The following TMEM117 variants were observed in gnomAD, a reference collection of about 807,000 sequenced individuals.
The protein encoded by TMEM117 is transmembrane protein 117.
A neutral mutation model predicts 52.4 loss-of-function variants in TMEM117; 27 were observed. The ratio of observed to expected loss-of-function variants is 0.51; its 90% CI spans 0.38 to 0.71. The LOEUF (loss-of-function observed/expected upper bound fraction) is 0.71, where lower values mean the gene tolerates loss of function less well. Among genes scored for constraint, TMEM117 ranks in the 30% least tolerant of loss-of-function variants. The pLI is 0.00. For missense variants in TMEM117, 556 were observed against 630.5 expected (o/e 0.88, Z 1.26); for synonymous variants, 215 against 206.3 (o/e 1.04, Z -0.36).
the TMEM117 span, among the ~76,000 whole-genome samples, chr12:43,809,712 A>G: frequency 6.6e-6 from 1 of 152,336 alleles, no homozygotes; most frequent in East Asian, 1.9e-4. Flanking sequence ...TTTGTGTAAC[A>G]CGTCCTTAGA....
intron 4 of TMEM117, among the ~76,000 whole-genome samples, chr12:44,152,190 T>TA (rs1948742498): frequency 1.8e-5 from 2 of 109,498 alleles, no homozygotes; most frequent in African/African-American, 7.6e-5. Context: ...TTATAAAATA[T>TA]ATATAAATAT....
At chr12:43,799,683 G>A in the TMEM117 span, among the ~76,000 whole-genome samples, 1 of 151,770 alleles carries the variant, frequency 6.6e-6, no homozygotes, top group Non-Finnish European at 1.5e-5. Context: ...AACTTTTTAA[G>A]GGGAGTACCC....
At chr12:44,176,591 G>A (rs185418178) in intron 4 of TMEM117, among the ~76,000 whole-genome samples, 172 of 152,262 alleles carry the variant, frequency 1.1e-3, no homozygotes, top group African/African-American at 3.9e-3. Flanking sequence ...TACATATGGA[G>A]AGAAGGATGA....
downstream of TMEM117, among the ~76,000 whole-genome samples, chr12:44,389,935 T>G (rs1952149186): frequency 6.6e-6 from 1 of 152,080 alleles, no homozygotes; most frequent in Non-Finnish European, 1.5e-5. Flanking sequence ...GGAGATCACT[T>G]TTAAGGAAAA....
At chr12:44,178,851 A>G (rs917819453) in intron 4 of TMEM117, among the ~76,000 whole-genome samples, 4 of 152,130 alleles carry the variant, frequency 2.6e-5, no homozygotes, top group African/African-American at 9.7e-5. Flanking sequence ...AAGTAGTTGT[A>G]TTAGTCAGGG....
At chr12:44,366,287 T>A (rs1256203061) in intron 6 of TMEM117, among the ~76,000 whole-genome samples, 4 of 152,024 alleles carry the variant, frequency 2.6e-5, no homozygotes, top group African/African-American at 9.7e-5. Flanking sequence ...AACAAACATG[T>A]AAGGTTCTTT....
chr12:43,876,313 C>T (rs902114040), intron 2 of TMEM117, among the ~76,000 whole-genome samples: 1 of 152,112 alleles, frequency 6.6e-6, no homozygotes, highest in Non-Finnish European at 1.5e-5. Flanking sequence ...TGAGACACAC[C>T]TTCTTGCCAT....
chr12:44,096,695 C>T (rs1947770054), intron 3 of TMEM117, among the ~76,000 whole-genome samples: 1 of 152,156 alleles, frequency 6.6e-6, no homozygotes, highest in African/African-American at 2.4e-5. Context: ...CTTCCTTACA[C>T]CTTATACAAA....
chr12:44,020,174 G>T (rs925380184), intron 3 of TMEM117, among the ~76,000 whole-genome samples: 9 of 152,102 alleles, frequency 5.9e-5, no homozygotes, highest in African/African-American at 2.2e-4. Flanking sequence ...TTTAATAAAA[G>T]AAATAACTCT....
intron 4 of TMEM117, among the ~76,000 whole-genome samples, chr12:44,165,419 A>G (rs1948952862): frequency 1.3e-5 from 2 of 152,228 alleles, no homozygotes; most frequent in African/African-American, 4.8e-5. Context: ...CACTTAAACG[A>G]TATAGATTGG....
intron 5 of TMEM117, among the ~76,000 whole-genome samples, chr12:44,295,038 T>G (rs1304639733): frequency 2.0e-5 from 3 of 152,190 alleles, no homozygotes; most frequent in Non-Finnish European, 4.4e-5. Flanking sequence ...TTCTTTGAGC[T>G]TCATAAATCT....
At position 44,169,867 on chromosome 12, in the gene TMEM117, A is replaced by G. The variant is rs533554366; in HGVS notation, c.510+26243A>G. ...GGTGGGACTGTAAACTAGTTCAACC[A>G]TTGTGGAAGACAGCGTGGCCATTCC... On this transcript the variant is annotated intron_variant, in intron 4 of 7. Transcript: ENST00000266534. 2.4e-4 allele frequency among the ~76,000 whole-genome samples: 37 copies of G among 152,312 alleles called. 1 individual carries two copies. In the South Asian group the frequency reaches 7.0e-3, roughly 29 times the overall value.
intron 2 of TMEM117, among the ~76,000 whole-genome samples, chr12:43,916,557 T>C (rs566456859): frequency 1.8e-4 from 27 of 152,328 alleles, no homozygotes; most frequent in Non-Finnish European, 2.6e-4. Context: ...AGTTGAACAT[T>C]TAGGATGTTC....
intron 6 of TMEM117, among the ~76,000 whole-genome samples, chr12:44,342,858 G>C (rs1340546077): frequency 2.0e-5 from 3 of 151,906 alleles, no homozygotes. Flanking sequence ...AGGAAAAAGA[G>C]AATGGTTTGT....
In TMEM117 at chr12:44,017,751, A is replaced by G. The variant is rs957737753; in HGVS notation, c.410+73409A>G. ...AACATTTTAGGCTTTATAGTCTTTC[A>G]TGACATCAAAGGTAATGTTATTATT... On this transcript the variant is annotated intron_variant, in intron 3 of 7. Transcript: ENST00000266534. Among the ~76,000 whole-genome samples the G allele has an allele frequency of 8.5e-5, 13 of 152,314 alleles. 1 individual carries two copies. In the South Asian group the frequency reaches 2.1e-3, roughly 24 times the overall value.
chr12:44,176,221 C>A (rs563940308), intron 4 of TMEM117, among the ~76,000 whole-genome samples: 46 of 152,290 alleles, frequency 3.0e-4, no homozygotes, highest in Non-Finnish European at 4.3e-4. Flanking sequence ...GGAACATTAT[C>A]ATTTTTAGTA....
chr12:44,070,498 G>A (rs1947285592), intron 3 of TMEM117, among the ~76,000 whole-genome samples: 3 of 152,320 alleles, frequency 2.0e-5, no homozygotes, highest in East Asian at 1.9e-4. Context: ...AACCTGCAGT[G>A]TCTGACAGTC....
At chr12:44,163,215 A>G (rs556759975) in intron 4 of TMEM117, among the ~76,000 whole-genome samples, 1 of 152,338 alleles carries the variant, frequency 6.6e-6, no homozygotes, top group Non-Finnish European at 1.5e-5. Context: ...AAGAAATAAG[A>G]TTAAAATTCT....
chr12:44,262,127 G>C (rs1950327457), intron 5 of TMEM117, among the ~76,000 whole-genome samples: 1 of 152,126 alleles, frequency 6.6e-6, no homozygotes, highest in South Asian at 2.1e-4. Context: ...AGTAAGTCCT[G>C]CCTTTAAAAT....
Sources: allele counts gnomAD v4.1 joint callset (sites outside exome capture counted in the v4.1 genomes callset), GRCh38; gene constraint gnomAD v4.1.1; transcripts MANE v1.5; gene names NCBI Gene and HGNC (gene_info 2026-07-23, HGNC 2026-07-21).